The following FOXN3 variants were observed in gnomAD, a reference collection of about 807,000 sequenced individuals.
FOXN3 encodes the protein forkhead box N3.
FOXN3 carries 7 observed loss-of-function variants against 38.4 expected under a neutral mutation model. The ratio of observed to expected loss-of-function variants is 0.18; its 90% confidence interval spans 0.10 to 0.34. The LOEUF is 0.34. Among genes scored for constraint, FOXN3 ranks in the 10% least tolerant of loss-of-function variants. The probability of loss-of-function intolerance (pLI) is 1.00; values close to 1 mark genes in which losing one functional copy is unlikely to be tolerated. For missense variants in FOXN3, 456 were observed against 613.4 expected (o/e 0.74, Z 2.71); for synonymous variants, 230 against 242.2 (o/e 0.95, Z 0.47).
chr14:89,269,444 T>C (rs1886078992), intron 4 of FOXN3, among the ~76,000 whole-genome samples: 1 of 152,086 alleles, frequency 6.6e-6, no homozygotes, highest in Non-Finnish European at 1.5e-5. Flanking sequence ...CGGATCTGCC[T>C]GTACTGCTTG....
chr14:89,383,673 T>G (rs12587499), intron 2 of FOXN3, among the ~76,000 whole-genome samples: 46,864 of 152,106 alleles, frequency 0.31, 7,627 homozygotes, highest in East Asian at 0.63. Flanking sequence ...TCTGTTTCCT[T>G]TCCTCTCCTC....
chr14:89,372,719 G>A (rs1890357868), intron 2 of FOXN3, among the ~76,000 whole-genome samples: 1 of 118,706 alleles, frequency 8.4e-6, no homozygotes. Flanking sequence ...GTCTCATGGG[G>A]TAAAAAAAAA....
intron 4 of FOXN3, among the ~76,000 whole-genome samples, chr14:89,268,679 A>G (rs1354220763): frequency 6.6e-6 from 1 of 152,186 alleles, no homozygotes; most frequent in Non-Finnish European, 1.5e-5. Flanking sequence ...TGGAGCTCCC[A>G]GAGCCAGGAT....
chr14:89,365,071 C>T (rs3783852), intron 2 of FOXN3, among the ~76,000 whole-genome samples: 18,682 of 152,094 alleles, frequency 0.12, 1,229 homozygotes, highest in Non-Finnish European at 0.15. Context: ...TGTGTGGGGG[C>T]GGGAATTACA....
rs35772860 is a variant in FOXN3, at chr14:89,378,706, C to CTTT, written c.544-27901_544-27899dup. ...AGGTCACATTGAATCTCTTTTTGCA[C>CTTT]TTTTTTTTTTTTTTTTTGAGACAGA... On this transcript the variant is annotated intron_variant, in intron 2 of 5. Coordinates refer to ENST00000557258, the MANE Select transcript of FOXN3 (RefSeq NM_005197.4). Among the ~76,000 whole-genome samples, 214 of 136,912 alleles carry CTTT rather than the reference C, an allele frequency of 1.6e-3. 9 individuals carry two copies. The highest frequency in any genetic ancestry group is 3.8e-3 in the Middle Eastern group (1 of 260). 89.8% of individuals were successfully genotyped at this position (136,912 alleles called of 152,430 possible).
chr14:89,193,775 G>C (rs1340827734), intron 4 of FOXN3, among the ~76,000 whole-genome samples: 1 of 152,172 alleles, frequency 6.6e-6, no homozygotes, highest in African/African-American at 2.4e-5. Context: ...GCTTTATAGA[G>C]AATTGCTACA....
intron 1 of FOXN3, among the ~76,000 whole-genome samples, chr14:89,414,699 G>A (rs930451183): frequency 2.0e-5 from 3 of 152,182 alleles, no homozygotes; most frequent in Non-Finnish European, 2.9e-5. Flanking sequence ...GACTACAGGC[G>A]TGTGCCACCA....
At chr14:89,599,081 A>G (rs1450209623) in intron 1 of FOXN3, among the ~76,000 whole-genome samples, 1 of 151,920 alleles carries the variant, frequency 6.6e-6, no homozygotes, top group Non-Finnish European at 1.5e-5. Context: ...TCACAATCTG[A>G]TATTTATTTT....
At chr14:89,288,718 CTCTCTCTATATATATA>C (rs1886751153) in intron 3 of FOXN3, among the ~76,000 whole-genome samples, 42 of 43,790 alleles carry the variant, frequency 9.6e-4, no homozygotes, top group East Asian at 2.4e-3. Flanking sequence ...CTCTCTCTCT[CTCTCTCTATATATATA>C]TATATATATA....
chr14:89,507,132 AAG>A (rs1893957850), intron 1 of FOXN3, among the ~76,000 whole-genome samples: 1 of 151,376 alleles, frequency 6.6e-6, no homozygotes, highest in Admixed American at 6.6e-5. Flanking sequence ...TAAAAAAAAA[AAG>A]AAAAAAAAAA....
intron 2 of FOXN3, among the ~76,000 whole-genome samples, chr14:89,408,789 G>A (rs952378359): frequency 1.3e-5 from 2 of 151,978 alleles, no homozygotes; most frequent in East Asian, 3.8e-4. Context: ...CAATGTTCTC[G>A]TTCAATTTAA....
intron 1 of FOXN3, among the ~76,000 whole-genome samples, chr14:89,416,109 C>A (rs933623675): frequency 6.6e-6 from 1 of 152,172 alleles, no homozygotes; most frequent in African/African-American, 2.4e-5. Context: ...GGCCGGGTCA[C>A]CCCCGCCCAC....
At chr14:89,294,294 G>A (rs1886969762) in intron 3 of FOXN3, among the ~76,000 whole-genome samples, 1 of 152,194 alleles carries the variant, frequency 6.6e-6, no homozygotes. Context: ...TGCCAACGTG[G>A]AGAGGTGCCC....
At chr14:89,298,451 T>G in intron 3 of FOXN3, among the ~76,000 whole-genome samples, 1 of 132,970 alleles carries the variant, frequency 7.5e-6, no homozygotes, top group African/African-American at 2.9e-5. Context: ...GCCTGGGTGA[T>G]AGAGGGAGAC....
At position 89,191,959 on chromosome 14, in the gene FOXN3, TATACAC is replaced by T. The variant is rs1409614067; in HGVS notation, c.746-11159_746-11154del. On this transcript the variant is annotated intron_variant, in intron 4 of 5. Transcript: ENST00000557258. ...TCCCACTGATATTAGTATATATATA[TATACAC>T]ATATATATAACTATAATATATAATA... Among the ~76,000 whole-genome samples, 443 of 72,458 alleles carry T rather than the reference TATACAC, an allele frequency of 6.1e-3. 17 individuals carry two copies. The highest frequency in any genetic ancestry group is 0.037 in the African/African-American group (409 of 10,936). 47.5% of individuals were successfully genotyped at this position (72,458 alleles called of 152,430 possible).
At chr14:89,496,791 C>A (rs1566675564) in intron 1 of FOXN3, among the ~76,000 whole-genome samples, 1 of 152,152 alleles carries the variant, frequency 6.6e-6, no homozygotes, top group Non-Finnish European at 1.5e-5. Context: ...ATTCTCCATT[C>A]CCCCGACCCC....
At chr14:89,374,962 G>C (rs1250965938) in intron 2 of FOXN3, among the ~76,000 whole-genome samples, 1 of 148,858 alleles carries the variant, frequency 6.7e-6, no homozygotes, top group African/African-American at 2.5e-5. Context: ...GAGTGACAGA[G>C]TGAGACTCCG....
chr14:89,618,402 C>A (rs2139965465), intron 1 of FOXN3, among the ~76,000 whole-genome samples: 1 of 152,320 alleles, frequency 6.6e-6, no homozygotes, highest in South Asian at 2.1e-4. Context: ...CCCCTCAAAA[C>A]AATGTTTCTC....
At chr14:89,295,761 C>CT (rs1313054403) in intron 3 of FOXN3, among the ~76,000 whole-genome samples, 2 of 132,736 alleles carry the variant, frequency 1.5e-5, no homozygotes, top group Admixed American at 7.2e-5. Flanking sequence ...CTAATTTTTG[C>CT]ATTTTTTTTT....
Sources: gnomAD v4.1 joint callset for allele counts (sites outside exome capture counted in the v4.1 genomes callset) on GRCh38, gnomAD v4.1.1 for gene constraint, MANE v1.5 for transcripts, NCBI Gene and HGNC (gene_info 2026-07-23, HGNC 2026-07-21) for gene names.